Variants in MAF observed in about 807,000 individuals in gnomAD.
MAF encodes MAF bZIP transcription factor.
In MAF, 10 loss-of-function variants were observed where a neutral mutation model predicts 22.0. The observed-to-expected ratio is 0.45, with a 90% CI of 0.28 to 0.77. MAF has a LOEUF of 0.77. Ranked by LOEUF, MAF falls within the 30% of genes least tolerant of loss-of-function variation. The probability of loss-of-function intolerance (pLI) is 0.12; values close to 1 mark genes in which losing one functional copy is unlikely to be tolerated. For synonymous variants in MAF, 337 were observed against 255.8 expected (o/e 1.32, Z -3.03); for missense variants, 544 against 548.4 (o/e 0.99, Z 0.08).
the MAF span, among the ~76,000 whole-genome samples, chr16:79,565,631 A>G: frequency 2.0e-5 from 3 of 152,090 alleles, no homozygotes; most frequent in African/African-American, 4.8e-5. Flanking sequence ...TTCGCTCAGC[A>G]CTTCTCCTTC....
intron 1 of MAF, among the ~76,000 whole-genome samples, chr16:79,586,563 A>T (rs1912854857): frequency 6.6e-6 from 1 of 152,230 alleles, no homozygotes; most frequent in African/African-American, 2.4e-5. Flanking sequence ...TAGAACGGTG[A>T]TATGAAAATG....
chr16:79,367,552 G>A, the MAF span, among the ~76,000 whole-genome samples: 1 of 152,194 alleles, frequency 6.6e-6, no homozygotes, highest in Non-Finnish European at 1.5e-5. Flanking sequence ...CATACTAAGT[G>A]ACTCAGGGAT....
chr16:79,549,002 C>T, the MAF span, among the ~76,000 whole-genome samples: 75 of 152,266 alleles, frequency 4.9e-4, no homozygotes, highest in African/African-American at 1.6e-3. Context: ...TTTAAGACAT[C>T]GTTACTCTCC....
chr16:79,378,392 T>C, the MAF span, among the ~76,000 whole-genome samples: 2 of 152,202 alleles, frequency 1.3e-5, no homozygotes, highest in Non-Finnish European at 2.9e-5. Flanking sequence ...TTTTATTCTA[T>C]TATTATAAAA....
chr16:79,564,265 G>A, the MAF span, among the ~76,000 whole-genome samples: 3 of 151,958 alleles, frequency 2.0e-5, no homozygotes, highest in Non-Finnish European at 4.4e-5. Context: ...TTGGTCCTAG[G>A]AAGTGTGCCT....
the MAF span, among the ~76,000 whole-genome samples, chr16:79,391,209 G>A: frequency 6.6e-6 from 1 of 152,158 alleles, no homozygotes; most frequent in Non-Finnish European, 1.5e-5. Flanking sequence ...TTCAACCTCT[G>A]CACCCTGGTT....
chr16:79,299,304 G>A, the MAF span, among the ~76,000 whole-genome samples: 2 of 147,888 alleles, frequency 1.4e-5, no homozygotes, highest in African/African-American at 5.0e-5. Context: ...TGTCTGCCAG[G>A]CTTAGAAAAA....
At chr16:79,401,992 G>A in the MAF span, among the ~76,000 whole-genome samples, 1 of 152,178 alleles carries the variant, frequency 6.6e-6, no homozygotes, top group Admixed American at 6.5e-5. Flanking sequence ...TGAGGACCCT[G>A]AGGCCAAAGA....
the MAF span, among the ~76,000 whole-genome samples, chr16:79,534,256 TTAAAA>T: frequency 3.3e-5 from 5 of 152,200 alleles, no homozygotes; most frequent in African/African-American, 4.8e-5. Flanking sequence ...TTTCTGTTAC[TTAAAA>T]TAAAGTTAGG....
the MAF span, among the ~76,000 whole-genome samples, chr16:79,371,774 C>G: frequency 2.0e-5 from 3 of 152,224 alleles, no homozygotes; most frequent in Non-Finnish European, 4.4e-5. Context: ...ACCGTTCAGA[C>G]TAGAATGTTC....
the MAF span, among the ~76,000 whole-genome samples, chr16:79,294,000 C>G: frequency 6.6e-6 from 1 of 152,156 alleles, no homozygotes; most frequent in African/African-American, 2.4e-5. Flanking sequence ...CACAGATTTG[C>G]TGTAATAAGG....
At chr16:79,423,682 G>T in the MAF span, among the ~76,000 whole-genome samples, 2 of 152,126 alleles carry the variant, frequency 1.3e-5, no homozygotes, top group African/African-American at 4.8e-5. Flanking sequence ...TTTGCTATCT[G>T]GTCCTTTATA....
the MAF span, among the ~76,000 whole-genome samples, chr16:79,474,433 G>A: frequency 0.37 from 55,779 of 152,016 alleles, 11,860 homozygotes; most frequent in Middle Eastern, 0.49. Context: ...GGCTGGCTGG[G>A]CAGACAGACA....
chr16:79,384,984 G>C, the MAF span, among the ~76,000 whole-genome samples: 1 of 152,202 alleles, frequency 6.6e-6, no homozygotes, highest in Non-Finnish European at 1.5e-5. Flanking sequence ...TGGTCTGGCT[G>C]TGGATTGCTG....
At chr16:79,598,369 G>C (rs767365436) in intron 1 of MAF, 2 of 1,125,622 alleles carry the variant, frequency 1.8e-6, no homozygotes, top group Admixed American at 5.1e-5. Context: ...AATGATGCAG[G>C]CTTCAAAGGT....
chr16:79,580,297 T>G, the MAF span, among the ~76,000 whole-genome samples: 2 of 152,132 alleles, frequency 1.3e-5, no homozygotes, highest in Non-Finnish European at 2.9e-5. Context: ...GCCCTTAGAC[T>G]AGGGTCTTGT....
chr16:79,285,765 G>A, the MAF span, among the ~76,000 whole-genome samples: 4 of 152,216 alleles, frequency 2.6e-5, no homozygotes, highest in Non-Finnish European at 4.4e-5. Flanking sequence ...ACGTCCTGCA[G>A]GAAGGCGGGA....
At chr16:79,453,109 C>G in the MAF span, among the ~76,000 whole-genome samples, 2 of 152,160 alleles carry the variant, frequency 1.3e-5, no homozygotes, top group Non-Finnish European at 2.9e-5. Context: ...TCCTTGAAAT[C>G]AAAGCACTGG....
the MAF span, among the ~76,000 whole-genome samples, chr16:79,533,314 G>A: frequency 6.6e-6 from 1 of 152,158 alleles, no homozygotes; most frequent in East Asian, 1.9e-4. Context: ...CCAAGGGTCA[G>A]TCAGAAGAGG....
Sources: gnomAD v4.1 joint callset for allele counts (sites outside exome capture counted in the v4.1 genomes callset) on GRCh38, gnomAD v4.1.1 for gene constraint, MANE v1.5 for transcripts, NCBI Gene and HGNC (gene_info 2026-07-23, HGNC 2026-07-21) for gene names.